The following NDUFAF6 variants were observed in gnomAD, a reference collection of about 807,000 sequenced individuals.
The protein encoded by NDUFAF6 is NADH dehydrogenase (ubiquinone) complex I, assembly factor 6.
In NDUFAF6, 45 loss-of-function variants were observed where a neutral mutation model predicts 40.8. That is an observed-to-expected ratio of 1.10 (90% CI 0.87 to 1.42). NDUFAF6 has a LOEUF of 1.42. Among genes scored for constraint, NDUFAF6 ranks in the 40% most tolerant of loss-of-function variants. The pLI is 0.00. For missense variants in NDUFAF6, 435 were observed against 418.5 expected (o/e 1.04, Z -0.34); for synonymous variants, 185 against 155.9 (o/e 1.19, Z -1.39).
intron 2 of NDUFAF6, among the ~76,000 whole-genome samples, chr8:95,001,812 G>T (rs958587489): frequency 6.6e-6 from 1 of 152,254 alleles, no homozygotes; most frequent in African/African-American, 2.4e-5. Flanking sequence ...GTCATTCACA[G>T]ATATTCCCAG....
chr8:95,081,110 T>G (rs755204765), downstream of NDUFAF6, among the ~76,000 whole-genome samples: 2 of 145,728 alleles, frequency 1.4e-5, no homozygotes, highest in Non-Finnish European at 3.0e-5. Context: ...GTTCCGCCCT[T>G]TGGGAGTTTA....
intron 1 of NDUFAF6, among the ~76,000 whole-genome samples, chr8:94,911,917 C>T (rs562858433): frequency 1.0e-3 from 155 of 152,260 alleles, no homozygotes; most frequent in Admixed American, 1.5e-3. Context: ...CTCAAGAAGC[C>T]GGATGGTCTG....
chr8:95,036,241 T>G, intron 3 of NDUFAF6: 1 of 1,189,978 alleles, frequency 8.4e-7, no homozygotes, highest in South Asian at 1.5e-5. Context: ...TTCTAAACTA[T>G]GAGAGGAGGA....
At chr8:95,004,464 C>A (rs1826872687) in intron 2 of NDUFAF6, among the ~76,000 whole-genome samples, 1 of 151,176 alleles carries the variant, frequency 6.6e-6, no homozygotes, top group African/African-American at 2.4e-5. Context: ...AAGCCTCCCA[C>A]GTCAGCCTCC....
chr8:95,056,639 G>A (rs953349548), intron 8 of NDUFAF6, among the ~76,000 whole-genome samples: 1 of 151,972 alleles, frequency 6.6e-6, no homozygotes, highest in Non-Finnish European at 1.5e-5. Flanking sequence ...GGGTGCGGTG[G>A]CTCATGCCTG....
chr8:94,968,746 C>T (rs780980779), intron 1 of NDUFAF6, among the ~76,000 whole-genome samples: 1 of 152,042 alleles, frequency 6.6e-6, no homozygotes, highest in African/African-American at 2.4e-5. Context: ...GTACCAAGGG[C>T]GAGAGTAAAA....
chr8:95,109,842 G>A (rs1809947541), intron 4 of NDUFAF6, among the ~76,000 whole-genome samples: 1 of 152,116 alleles, frequency 6.6e-6, no homozygotes, highest in Non-Finnish European at 1.5e-5. Context: ...TGACTTATCC[G>A]AGATCATGCA....
chr8:95,037,228 A>G (rs1829606965), intron 3 of NDUFAF6, among the ~76,000 whole-genome samples: 1 of 152,206 alleles, frequency 6.6e-6, no homozygotes, highest in Non-Finnish European at 1.5e-5. Context: ...TCCAGAGTTC[A>G]CACTTCATTC....
At chr8:94,974,699 A>G (rs10086284) in intron 1 of NDUFAF6, 108,249 of 163,266 alleles carry the variant, frequency 0.66, 36,401 homozygotes, top group East Asian at 0.77. Flanking sequence ...AGGAGGTAGA[A>G]TGCCATAGGA....
intron 1 of NDUFAF6, among the ~76,000 whole-genome samples, chr8:94,972,492 A>T (rs940865915): frequency 4.6e-5 from 7 of 151,962 alleles, no homozygotes; most frequent in African/African-American, 1.7e-4. Flanking sequence ...GCCCGCCTCA[A>T]CCTCCCAAAG....
intron 2 of NDUFAF6, among the ~76,000 whole-genome samples, chr8:95,017,879 C>T (rs1210011158): frequency 6.6e-6 from 1 of 152,088 alleles, no homozygotes; most frequent in Non-Finnish European, 1.5e-5. Flanking sequence ...ATGATGACAT[C>T]CTTTGAAGAA....
upstream of NDUFAF6, among the ~76,000 whole-genome samples, chr8:95,097,003 A>G (rs11777952): frequency 0.23 from 34,484 of 152,148 alleles, 4,928 homozygotes; most frequent in African/African-American, 0.41. Flanking sequence ...CAGCAGCAAT[A>G]CTGGTGGGAT....
At chr8:94,989,690 G>C (rs1448722361) in intron 2 of NDUFAF6, among the ~76,000 whole-genome samples, 1 of 152,138 alleles carries the variant, frequency 6.6e-6, no homozygotes, top group Non-Finnish European at 1.5e-5. Flanking sequence ...CAGTGACTTG[G>C]ACTTTTGGGG....
chr8:95,056,529 G>A (rs1029853990), intron 8 of NDUFAF6, among the ~76,000 whole-genome samples: 1 of 151,966 alleles, frequency 6.6e-6, no homozygotes, highest in Non-Finnish European at 1.5e-5. Flanking sequence ...TTGTTTCTAA[G>A]TTTCTTCCTA....
upstream of NDUFAF6, among the ~76,000 whole-genome samples, chr8:95,099,224 A>C (rs1809575501): frequency 6.6e-6 from 1 of 152,160 alleles, no homozygotes; most frequent in African/African-American, 2.4e-5. Flanking sequence ...TGGGTGACAG[A>C]GCAAGACCCT....
chr8:95,020,393 C>T (rs1827642318), upstream of NDUFAF6, among the ~76,000 whole-genome samples: 1 of 152,140 alleles, frequency 6.6e-6, no homozygotes, highest in Admixed American at 6.5e-5. Context: ...CATATTCTGC[C>T]CTTCTTAAAC....
chr8:94,901,643 G>A (rs141032262), intron 1 of NDUFAF6, among the ~76,000 whole-genome samples: 1,934 of 152,128 alleles, frequency 0.013, 20 homozygotes, highest in Middle Eastern at 0.02. Flanking sequence ...GTGCAGTGGC[G>A]CGATCTCAGC....
At chr8:95,116,055 TTGAACCGGG>T (rs1563875596) in intron 5 of NDUFAF6, among the ~76,000 whole-genome samples, 1 of 151,996 alleles carries the variant, frequency 6.6e-6, no homozygotes, top group Non-Finnish European at 1.5e-5. Context: ...GAAGAATCGC[TTGAACCGGG>T]GAGGCGGAGG....
At chr8:95,048,924 A>C (rs1005618475) in intron 7 of NDUFAF6, among the ~76,000 whole-genome samples, 2 of 151,920 alleles carry the variant, frequency 1.3e-5, no homozygotes, top group African/African-American at 4.8e-5. Context: ...TGGTGTTTTC[A>C]GTTTGCTTCT....
Sources: allele counts gnomAD v4.1 joint callset (sites outside exome capture counted in the v4.1 genomes callset), GRCh38; gene constraint gnomAD v4.1.1; transcripts MANE v1.5; gene names NCBI Gene and HGNC (gene_info 2026-07-23, HGNC 2026-07-21).